PLB1: variants seen among roughly 807,000 people sequenced by gnomAD.
PLB1 encodes the protein phospholipase B1, membrane-associated.
Under a neutral mutation model 227.4 loss-of-function variants are expected in PLB1, and 242 were observed. The observed-to-expected ratio is 1.06, with a 90% CI of 0.96 to 1.18. PLB1 has a LOEUF of 1.18. Among genes scored for constraint, PLB1 ranks in the 50% most tolerant of loss-of-function variants. The pLI is 0.00. For missense variants in PLB1, 1,858 were observed against 1,816.3 expected (o/e 1.02, Z -0.42); for synonymous variants, 757 against 682.2 (o/e 1.11, Z -1.71).
At chr2:28,518,623 G>C in intron 3 of PLB1, 91 bp downstream of exon 3, 1 of 931,552 alleles carries the variant, frequency 1.1e-6, no homozygotes, top group Non-Finnish European at 1.7e-6. Flanking sequence ...TCTTGGACCT[G>C]TTGCCCCTTC....
intron 19 of PLB1, 66 bp from the exon 20 acceptor site, chr2:28,566,719 TTCTGGCTAGTG>T: frequency 6.6e-7 from 1 of 1,520,628 alleles, no homozygotes; most frequent in South Asian, 1.1e-5. Flanking sequence ...AGACGGGCGT[TTCTGGCTAGTG>T]TCTGAAGGGT....
intron 16 of PLB1, among the ~76,000 whole-genome samples, chr2:28,552,150 G>C (rs17007005): frequency 0.084 from 12,807 of 152,218 alleles, 769 homozygotes; most frequent in African/African-American, 0.17. Context: ...GGTATTCTGG[G>C]AACACAGAGG....
intron 1 of PLB1, among the ~76,000 whole-genome samples, chr2:28,505,219 T>C (rs1330440297): frequency 6.6e-6 from 1 of 152,236 alleles, no homozygotes; most frequent in Admixed American, 6.5e-5. Context: ...TACAGGAAGC[T>C]GAGGTCAGTC....
intron 23 of PLB1, among the ~76,000 whole-genome samples, chr2:28,580,348 A>G (rs1450089354): frequency 1.3e-5 from 2 of 152,250 alleles, no homozygotes; most frequent in Non-Finnish European, 2.9e-5. Context: ...GCGGAGAGAG[A>G]GACAGGCAGT....
At chr2:28,622,276 C>T (rs149795800) in intron 49 of PLB1, among the ~76,000 whole-genome samples, 44 of 152,278 alleles carry the variant, frequency 2.9e-4, no homozygotes, top group African/African-American at 9.9e-4. Flanking sequence ...GTCTACATTC[C>T]AGCTCCAAGG....
rs138140850 is a variant in PLB1 at position 28,580,259 on chromosome 2, C to T, written c.1566+552C>T. On this transcript the variant is annotated intron_variant, in intron 23 of 57. Coordinates refer to ENST00000327757, the MANE Select transcript of PLB1 (RefSeq NM_153021.5). ...GGCATACCCACTAGTCTCCCACCCACGCCTATGCCAGGAATGTACTAGGAG... is the reference window on the plus strand; with the variant it reads ...GGCATACCCACTAGTCTCCCACCCATGCCTATGCCAGGAATGTACTAGGAG... Among the ~76,000 whole-genome samples, 234 of 152,356 alleles carry T rather than the reference C, an allele frequency of 1.5e-3. 1 individual carries two copies. The highest frequency in any genetic ancestry group is 4.9e-3 in the African/African-American group (202 of 41,572).
In PLB1 at chr2:28,604,697, C is replaced by T. The variant is rs752096627; in HGVS notation, c.2899C>T (p.Gln967Ter). ...ELVGSGRYDT[Q>*]EDFSVVLQPF... ...GGTGGGGTCAGGCCGCTATGACACG[C>T]AGGAGGACTTCTCTGTGGTGCTGCA... Residue 967 changes from glutamine to a stop codon, truncating the protein, a stop_gained, in exon 41 of 58, where the codon CAG (glutamine) becomes TAG (stop). Transcript: ENST00000327757. LOFTEE classifies it high-confidence loss of function. 4 of 1,614,080 alleles carry T rather than the reference C, an allele frequency of 2.5e-6. No individual in the cohort carries two copies. Among genetic ancestry groups the T allele is most frequent in the Non-Finnish European group, 3.4e-6 (4 of 1,180,030 alleles).
At chr2:28,584,265 C>T (rs1012154259) in intron 25 of PLB1, among the ~76,000 whole-genome samples, 2 of 152,224 alleles carry the variant, frequency 1.3e-5, no homozygotes, top group African/African-American at 2.4e-5. Context: ...ACCTTTCCTG[C>T]TCCTCTGCAG....
At chr2:28,521,759 C>T (rs1311641023) in intron 4 of PLB1, among the ~76,000 whole-genome samples, 1 of 152,066 alleles carries the variant, frequency 6.6e-6, no homozygotes, top group Admixed American at 6.5e-5. Context: ...AGCTCCACAG[C>T]CTTGCTGCCC....
intron 20 of PLB1, among the ~76,000 whole-genome samples, chr2:28,572,362 C>T (rs1048484166): frequency 6.6e-6 from 1 of 152,166 alleles, no homozygotes; most frequent in East Asian, 1.9e-4. Context: ...AAAGGTTAAA[C>T]AGGGTGAGGG....
intron 1 of PLB1, among the ~76,000 whole-genome samples, chr2:28,502,608 A>G (rs943359155): frequency 2.0e-5 from 3 of 152,098 alleles, no homozygotes; most frequent in Admixed American, 2.0e-4. Flanking sequence ...CTCTTTCCTT[A>G]TATTGCTAGG....
chr2:28,626,438 T>C lies in PLB1; in HGVS notation c.3590T>C (p.Leu1197Pro), dbSNP rs542778289. The change falls in exon 51 of 58, where the codon CTG (leucine) becomes CCG (proline). Residue 1197 changes from leucine (L) to proline (P), a missense_variant. Leu to Pro is a moderately conservative substitution (Grantham distance 98, BLOSUM62 -3). Transcript: ENST00000327757. ...CTTCTGTCCCCTCAGGACATCAACCTGGAGAAAGACTGGAAGCTGGTCACA... is the reference window on the plus strand; with the variant it reads ...CTTCTGTCCCCTCAGGACATCAACCCGGAGAAAGACTGGAAGCTGGTCACA... Reference protein sequence around the residue: ...ERMKNSPDINLEKDWKLVTLF... With the variant: ...ERMKNSPDINPEKDWKLVTLF... 424 of 1,614,068 alleles carry C rather than the reference T, an allele frequency of 2.6e-4. 7 individuals are homozygous for C. The South Asian group carries it at 4.6e-3, about 17-fold the overall frequency.
At chr2:28,593,549 G>T in intron 32 of PLB1, 132 bp from the exon 33 acceptor site, 1 of 711,756 alleles carries the variant, frequency 1.4e-6, no homozygotes, top group Non-Finnish European at 2.5e-6. Context: ...AGAGCCAGGG[G>T]CTCCTGGTTC....
intron 17 of PLB1, among the ~76,000 whole-genome samples, chr2:28,561,813 G>C (rs912894555): frequency 6.6e-6 from 1 of 152,130 alleles, no homozygotes. Context: ...ACTTGAGCCC[G>C]GGAGGTCGAG....
Position 28,643,214 on chromosome 2 carries a change from C to T in PLB1, c.*153C>T, listed in dbSNP as rs1690163032. 2 of 640,108 alleles carry T rather than the reference C, an allele frequency of 3.1e-6. No individual in the cohort carries two copies. The highest frequency in any genetic ancestry group is 5.0e-5 in the South Asian group (2 of 40,268). The allele number at this position is 640,108 out of a possible 1,614,324, so 39.7% of individuals were successfully genotyped here. ...CAACTTCTTGGGGCCTGGGCTTCTTCCAGGCCTATGCTCCTGGAATGGATA... is the reference window on the plus strand; with the variant it reads ...CAACTTCTTGGGGCCTGGGCTTCTTTCAGGCCTATGCTCCTGGAATGGATA... On this transcript the variant is annotated 3_prime_UTR_variant, in exon 58 of 58. Transcript: ENST00000327757.
At chr2:28,527,802 A>C (rs1179447595) in intron 6 of PLB1, among the ~76,000 whole-genome samples, 1 of 152,256 alleles carries the variant, frequency 6.6e-6, no homozygotes, top group Non-Finnish European at 1.5e-5. Context: ...ATCCAACGTC[A>C]TGTTTGATCA....
chr2:28,587,324 T>C (rs1473341476), intron 26 of PLB1, among the ~76,000 whole-genome samples: 2 of 152,128 alleles, frequency 1.3e-5, no homozygotes, highest in African/African-American at 2.4e-5. Context: ...GCCATAAGAA[T>C]CAAAATCAAT....
rs775547690 is a variant in PLB1 at position 28,529,771 on chromosome 2, G to T, written c.460G>T (p.Glu154Ter). ...TCAAGAACTGGTGAGAAACATGAAA[G>T]AGAACCTGGTAAGCATCCGTCCAAC... is the stretch of plus-strand genomic sequence containing the variant. ...QAQELVRNMK[E>*]NLQLDFQFDW... The change falls in exon 8 of 58, where the codon GAG becomes TAG. Residue 154 changes from glutamate (E) to a stop codon, truncating the protein, a stop_gained. Transcript: ENST00000327757. LOFTEE classifies it high-confidence loss of function. 1.2e-6 allele frequency: 2 copies of T among 1,614,016 alleles called. No individual in the cohort carries two copies. The highest frequency in any genetic ancestry group is 2.7e-5 in the African/African-American group (2 of 74,906).
At chr2:28,507,087 G>A (rs1173489865) in intron 1 of PLB1, among the ~76,000 whole-genome samples, 1 of 152,152 alleles carries the variant, frequency 6.6e-6, no homozygotes, top group East Asian at 1.9e-4. Context: ...GGCCAATGGT[G>A]GCTGAGGTGA....
Sources: gnomAD v4.1 joint callset for allele counts (sites outside exome capture counted in the v4.1 genomes callset) on GRCh38, gnomAD v4.1.1 for gene constraint, MANE v1.5 for transcripts, NCBI Gene and HGNC (gene_info 2026-07-23, HGNC 2026-07-21) for gene names.